KCNH5: variants seen among roughly 807,000 people sequenced by gnomAD.
KCNH5 encodes the protein voltage-gated delayed rectifier potassium channel KCNH5.
In KCNH5, 46 loss-of-function variants were observed where a neutral mutation model predicts 96.1. The ratio of observed to expected loss-of-function variants is 0.48; its 90% confidence interval spans 0.38 to 0.61. The LOEUF is 0.61. Among genes scored for constraint, KCNH5 ranks in the 20% least tolerant of loss-of-function variants. The pLI, the probability that KCNH5 is intolerant of heterozygous loss-of-function variation, is 0.00. For synonymous variants in KCNH5, 439 were observed against 449.8 expected, an observed-to-expected ratio of 0.98 and a Z score of 0.30; for missense variants, 907 against 1,225.8, an observed-to-expected ratio of 0.74 and a Z score of 3.88.
At chr14:62,962,091 T>C (rs1255499) in intron 6 of KCNH5, among the ~76,000 whole-genome samples, 32,802 of 147,996 alleles carry the variant, frequency 0.22, 4,005 homozygotes, top group Non-Finnish European at 0.29. Context: ...TGGAGATGGA[T>C]GTGCAGATGG....
intron 8 of KCNH5, among the ~76,000 whole-genome samples, chr14:62,806,656 A>G (rs1336449195): frequency 1.3e-5 from 2 of 152,130 alleles, no homozygotes; most frequent in Non-Finnish European, 2.9e-5. Flanking sequence ...TAGGGGAGTT[A>G]GAGTCTCTCC....
intron 7 of KCNH5, among the ~76,000 whole-genome samples, chr14:62,859,349 C>T (rs1309035900): frequency 3.9e-5 from 6 of 152,164 alleles, no homozygotes; most frequent in Non-Finnish European, 8.8e-5. Flanking sequence ...TAACCTCCAT[C>T]CCTGCCACCA....
chr14:62,949,287 A>T (rs1315828102), intron 7 of KCNH5, among the ~76,000 whole-genome samples: 1 of 152,234 alleles, frequency 6.6e-6, no homozygotes. Context: ...AAATCTCCTT[A>T]AGCTGATAAG....
chr14:63,033,108 C>A (rs1377969429), intron 1 of KCNH5, among the ~76,000 whole-genome samples: 1 of 152,132 alleles, frequency 6.6e-6, no homozygotes, highest in African/African-American at 2.4e-5. Flanking sequence ...TATCTTGCGT[C>A]GACTACCGCA....
At chr14:62,709,756 G>A (rs1419044488) in intron 10 of KCNH5, among the ~76,000 whole-genome samples, 1 of 152,164 alleles carries the variant, frequency 6.6e-6, no homozygotes, top group Non-Finnish European at 1.5e-5. Context: ...ATAAGAAATT[G>A]CCACATATAT....
intron 2 of KCNH5, among the ~76,000 whole-genome samples, chr14:63,015,511 A>C (rs1321291829): frequency 2.0e-5 from 3 of 152,036 alleles, no homozygotes; most frequent in Admixed American, 6.6e-5. Context: ...ACAGATATAC[A>C]TGTTCCTCTG....
chr14:62,989,342 C>T (rs1890768100), intron 4 of KCNH5, among the ~76,000 whole-genome samples: 1 of 152,090 alleles, frequency 6.6e-6, no homozygotes, highest in Non-Finnish European at 1.5e-5. Flanking sequence ...CTTTCTCACA[C>T]ATGCTCTGCA....
At chr14:62,815,232 ACT>A (rs1886954080) in intron 8 of KCNH5, among the ~76,000 whole-genome samples, 2 of 152,120 alleles carry the variant, frequency 1.3e-5, no homozygotes, top group South Asian at 4.2e-4. Flanking sequence ...TAAATGCAAA[ACT>A]CATTTCTGGT....
chr14:62,810,505 T>G (rs1331652238), intron 8 of KCNH5, among the ~76,000 whole-genome samples: 1 of 152,056 alleles, frequency 6.6e-6, no homozygotes, highest in Non-Finnish European at 1.5e-5. Context: ...GATAAGAGGT[T>G]GGCACAAGAT....
chr14:62,994,664 G>C (rs905711048), intron 4 of KCNH5, among the ~76,000 whole-genome samples: 1 of 151,864 alleles, frequency 6.6e-6, no homozygotes, highest in African/African-American at 2.4e-5. Context: ...TTTTTGTGGG[G>C]AAAAAAGAAA....
intron 9 of KCNH5, among the ~76,000 whole-genome samples, chr14:62,784,748 C>T (rs577327338): frequency 3.3e-5 from 5 of 152,118 alleles, no homozygotes; most frequent in Admixed American, 6.5e-5. Context: ...ATTCAAATAT[C>T]TGTTACATAT....
At chr14:62,799,200 G>C (rs562857849) in intron 9 of KCNH5, among the ~76,000 whole-genome samples, 2 of 152,112 alleles carry the variant, frequency 1.3e-5, no homozygotes, top group Non-Finnish European at 2.9e-5. Flanking sequence ...CACAAGAGAT[G>C]CAAGGAGACA....
At chr14:62,980,573 T>A (rs1890586790) in intron 6 of KCNH5, among the ~76,000 whole-genome samples, 1 of 152,210 alleles carries the variant, frequency 6.6e-6, no homozygotes, top group African/African-American at 2.4e-5. Flanking sequence ...CTTCTTTCAA[T>A]CAATTATGTA....
At chr14:62,998,562 T>A (rs1044842356) in intron 4 of KCNH5, among the ~76,000 whole-genome samples, 1 of 152,184 alleles carries the variant, frequency 6.6e-6, no homozygotes, top group Non-Finnish European at 1.5e-5. Context: ...TGATTTTATG[T>A]CTTTCTTCTT....
intron 7 of KCNH5, among the ~76,000 whole-genome samples, chr14:62,932,991 TCAAAACAGATATAGGAAA>T (rs892506650): frequency 2.0e-5 from 3 of 152,254 alleles, no homozygotes; most frequent in Admixed American, 6.5e-5. Context: ...AGGTGTTCAT[TCAAAACAGATATAGGAAA>T]CAATGGGTCC....
At chr14:62,763,771 C>G (rs1290978068) in intron 10 of KCNH5, among the ~76,000 whole-genome samples, 1 of 152,108 alleles carries the variant, frequency 6.6e-6, no homozygotes, top group Non-Finnish European at 1.5e-5. Context: ...TGCATACAAA[C>G]TAGAAAATTT....
rs1406539135 is a variant in KCNH5, at chr14:62,704,640, A to T, written c.*2868T>A. ...GAAGGTGTGTAAATTGCTTTGGAAA[A>T]TGTTTGGATTTCTAATACATATCCA... On this transcript the variant is annotated 3_prime_UTR_variant, in exon 11 of 11. Transcript: ENST00000322893. 4.1e-4 allele frequency: 63 copies of T among 151,886 alleles called. No individual in the cohort carries two copies. Among genetic ancestry groups the T allele is most frequent in the Admixed American group, 4.0e-3 (61 of 15,246 alleles). 9.4% of individuals were successfully genotyped at this position (151,886 alleles called of 1,614,324 possible). A position where few individuals can be genotyped will look rare whatever the true frequency, so the allele number is the denominator to read the frequency against.
intron 10 of KCNH5, among the ~76,000 whole-genome samples, chr14:62,739,382 T>C (rs1031453475): frequency 3.9e-5 from 6 of 152,216 alleles, no homozygotes; most frequent in African/African-American, 1.4e-4. Flanking sequence ...AAGCCTACAG[T>C]TGGCTAAGGC....
intron 3 of KCNH5, among the ~76,000 whole-genome samples, chr14:63,003,578 T>C (rs1171549405): frequency 1.6e-5 from 2 of 124,496 alleles, no homozygotes; most frequent in African/African-American, 6.1e-5. Flanking sequence ...TATATTTATA[T>C]ACATAATATA....
Sources: gnomAD v4.1 joint callset for allele counts (sites outside exome capture counted in the v4.1 genomes callset) on GRCh38, gnomAD v4.1.1 for gene constraint, MANE v1.5 for transcripts, NCBI Gene and HGNC (gene_info 2026-07-23, HGNC 2026-07-21) for gene names.